The following TTLL5 variants were observed in gnomAD, a reference collection of about 807,000 sequenced individuals.
TTLL5 encodes tubulin polyglutamylase TTLL5.
In TTLL5, 132 loss-of-function variants were observed where a neutral mutation model predicts 168.4. The ratio of observed to expected loss-of-function variants is 0.78; its 90% CI spans 0.68 to 0.91. The LOEUF is 0.91. Ranked by LOEUF, TTLL5 falls within the 40% of genes least tolerant of loss-of-function variation. The probability of loss-of-function intolerance (pLI) is 0.00; values close to 1 mark genes in which losing one functional copy is unlikely to be tolerated. For missense variants in TTLL5, 1,545 were observed against 1,581.5 expected, an observed-to-expected ratio of 0.98 and a Z score of 0.39; for synonymous variants, 546 against 558.6, an observed-to-expected ratio of 0.98 and a Z score of 0.32.
chr14:75,824,054 A>G (rs1482982642), intron 28 of TTLL5, among the ~76,000 whole-genome samples: 1 of 152,152 alleles, frequency 6.6e-6, no homozygotes, highest in Non-Finnish European at 1.5e-5. Context: ...TCATCTTTTC[A>G]TTCTCAGTCA....
In TTLL5 at chr14:75,771,494, C is replaced by G. The variant is rs572731008; in HGVS notation, c.2016-240C>G. Among the ~76,000 whole-genome samples the G allele has an allele frequency of 9.2e-5, 14 of 152,058 alleles. No individual in the cohort carries two copies. The East Asian group carries it at 2.3e-3, about 25-fold the overall frequency. On this transcript the variant is annotated intron_variant, in intron 20 of 31. Transcript: ENST00000298832. ...TCTATTCTTCTTTTTTTCCCTTATG[C>G]TAATAATGAGAAAATAAATAGGATT...
At chr14:75,857,845 T>G (rs1367839180) in intron 28 of TTLL5, among the ~76,000 whole-genome samples, 1 of 151,894 alleles carries the variant, frequency 6.6e-6, no homozygotes, top group Non-Finnish European at 1.5e-5. Flanking sequence ...GAGATGGGGT[T>G]TCAACATGTT....
chr14:75,723,190 A>G (rs77958882), intron 12 of TTLL5, among the ~76,000 whole-genome samples: 33 of 152,194 alleles, frequency 2.2e-4, no homozygotes, highest in African/African-American at 7.2e-4. Flanking sequence ...CCTGGGCCCA[A>G]AGGATCCACC....
At position 75,690,217 on chromosome 14, in the gene TTLL5, C is replaced by T. The variant is rs1885352866; in HGVS notation, c.397C>T (p.Arg133Ter). ...PRSYELTRKD[R>*]LYKNIIRMQH... ...GTCTTATGAACTTACCCGGAAGGACCGACTGTACAAAAACATTATTCGAAT... is the reference window on the plus strand; with the variant it reads ...GTCTTATGAACTTACCCGGAAGGACTGACTGTACAAAAACATTATTCGAAT... The change falls in exon 6 of 32, where the codon CGA becomes TGA. Residue 133 changes from arginine to a stop codon, truncating the protein, a stop_gained. Transcript: ENST00000298832. LOFTEE classifies it high-confidence loss of function. 5.6e-6 allele frequency: 9 copies of T among 1,613,090 alleles called. No individual in the cohort carries two copies. The highest frequency in any genetic ancestry group is 6.8e-6 in the Non-Finnish European group (8 of 1,179,672).
In TTLL5 at chr14:75,721,900, G is replaced by A. The variant is rs529008963; in HGVS notation, c.1042+1197G>A. Among the ~76,000 whole-genome samples, 131 of 152,246 alleles carry A rather than the reference G, an allele frequency of 8.6e-4. No homozygotes were observed. In the Middle Eastern group the frequency reaches 0.01, roughly 12 times the overall value. ...GAATAGAAGATGGTAGATAAATCAG[G>A]ACCTAAAATTATATGGGAAAAGAAG... On this transcript the variant is annotated intron_variant, in intron 12 of 31. Transcript: ENST00000298832.
intron 31 of TTLL5, among the ~76,000 whole-genome samples, chr14:75,940,114 C>T (rs565540426): frequency 2.2e-5 from 3 of 133,656 alleles, no homozygotes; most frequent in African/African-American, 8.6e-5. Context: ...TGGAGTCTCA[C>T]TCTTGCCCAG....
rs922211447 is a variant in TTLL5 at position 75,735,356 on chromosome 14, G to A, written c.1281+67G>A. On this transcript the variant is annotated intron_variant, in intron 15 of 31. Coordinates refer to ENST00000298832, the MANE Select transcript of TTLL5 (RefSeq NM_015072.5). ...GGGAAGTGGCGGCTGATGTAACTGT[G>A]GGAGCAGAAGCACTGTGGGTATGAG... 1.4e-5 allele frequency: 21 copies of A among 1,489,660 alleles called. No individual in the cohort carries two copies. In the Admixed American group the frequency reaches 3.5e-4, roughly 25 times the overall value. 92.3% of individuals were successfully genotyped at this position (1,489,660 alleles called of 1,614,324 possible).
chr14:75,831,943 C>T (rs922726154), intron 28 of TTLL5, among the ~76,000 whole-genome samples: 6 of 152,174 alleles, frequency 3.9e-5, no homozygotes, highest in African/African-American at 9.7e-5. Flanking sequence ...CAGCTCTGTC[C>T]GTTTCTGATC....
intron 27 of TTLL5, among the ~76,000 whole-genome samples, chr14:75,811,156 A>AGAGTGTGTTT (rs60194482): frequency 8.6e-6 from 1 of 116,532 alleles, no homozygotes; most frequent in East Asian, 2.5e-4. Context: ...TGAAAGAAAG[A>AGAGTGTGTTT]GTGTGTGTGT....
chr14:75,790,128 G>A (rs1354946489), intron 26 of TTLL5, among the ~76,000 whole-genome samples: 1 of 152,128 alleles, frequency 6.6e-6, no homozygotes. Context: ...TGCTTCTGGG[G>A]TAATTGTTAT....
chr14:75,745,339 G>A, intron 16 of TTLL5, 131 bp downstream of exon 16: 2 of 1,202,764 alleles, frequency 1.7e-6, no homozygotes, highest in South Asian at 2.8e-5. Flanking sequence ...TTGGAGAAAT[G>A]TTTTCTCAGG....
intron 27 of TTLL5, among the ~76,000 whole-genome samples, chr14:75,808,382 G>A (rs1378937638): frequency 6.6e-6 from 1 of 152,178 alleles, no homozygotes; most frequent in African/African-American, 2.4e-5. Flanking sequence ...TGATTGGAGT[G>A]TGAATTTCTT....
In TTLL5 at chr14:75,779,594, G is replaced by GTGT; in HGVS notation, c.2410_2412dup (p.Leu804dup). On this transcript the variant is annotated inframe_insertion, in exon 24 of 32. Transcript: ENST00000298832. ...TTTCAGTGAGGCTGAACTGGAGGAG[G>GTGT]TGTTGACTTTTTATACCCAAAAGAA... 6.2e-7 allele frequency: 1 copy of GTGT among 1,613,612 alleles called. No individual in the cohort carries two copies. Among genetic ancestry groups the GTGT allele is most frequent in the Non-Finnish European group, 8.5e-7 (1 of 1,179,784 alleles).
intron 31 of TTLL5, chr14:75,903,981 A>T: frequency 3.6e-6 from 2 of 553,858 alleles, no homozygotes; most frequent in Non-Finnish European, 4.7e-6. Context: ...AGTAAGGATT[A>T]AATGAAGCAA....
chr14:75,756,817 AAG>A (rs1417347916), intron 18 of TTLL5, among the ~76,000 whole-genome samples: 1 of 152,124 alleles, frequency 6.6e-6, no homozygotes, highest in Non-Finnish European at 1.5e-5. Flanking sequence ...GAAATTTTTT[AAG>A]AGTGTTAAAT....
intron 28 of TTLL5, among the ~76,000 whole-genome samples, chr14:75,842,988 A>C (rs1360011570): frequency 6.6e-6 from 1 of 152,152 alleles, no homozygotes; most frequent in Non-Finnish European, 1.5e-5. Context: ...GGTGGAGGCA[A>C]GTTTTGAACA....
chr14:75,688,287 G>A (rs1389135561), intron 5 of TTLL5, among the ~76,000 whole-genome samples: 4 of 152,140 alleles, frequency 2.6e-5, no homozygotes, highest in African/African-American at 7.2e-5. Flanking sequence ...AATTATGCCT[G>A]TGTAATGAAG....
chr14:75,863,926 A>AAG (rs1555352360), intron 29 of TTLL5, 64 bp downstream of exon 29: 34 of 1,257,734 alleles, frequency 2.7e-5, no homozygotes, highest in Middle Eastern at 3.0e-4. Context: ...AAAAAAAAAA[A>AAG]AAAAAAAAGG....
intron 16 of TTLL5, 40 bp downstream of exon 16, chr14:75,745,248 A>G: frequency 6.3e-7 from 1 of 1,587,092 alleles, no homozygotes; most frequent in Non-Finnish European, 8.6e-7. Flanking sequence ...GGGTTAACAC[A>G]GGGTTTAGTG....
Sources: gnomAD v4.1 joint callset for allele counts (sites outside exome capture counted in the v4.1 genomes callset) on GRCh38, gnomAD v4.1.1 for gene constraint, MANE v1.5 for transcripts, NCBI Gene and HGNC (gene_info 2026-07-23, HGNC 2026-07-21) for gene names.